Variants in NSG2 observed in about 807,000 individuals in gnomAD.
NSG2 encodes neuronal vesicle trafficking associated 2.
A neutral mutation model predicts 16.9 loss-of-function variants in NSG2; 4 were observed. The observed-to-expected ratio is 0.24, with a 90% CI of 0.12 to 0.54. The LOEUF (loss-of-function observed/expected upper bound fraction) is 0.54, where lower values mean the gene tolerates loss of function less well. Ranked by LOEUF, NSG2 falls within the 20% of genes least tolerant of loss-of-function variation. The pLI, the probability that NSG2 is intolerant of heterozygous loss-of-function variation, is 0.95. For missense variants in NSG2, 179 were observed against 221.1 expected, an observed-to-expected ratio of 0.81 and a Z score of 1.21; for synonymous variants, 98 against 88.7, an observed-to-expected ratio of 1.11 and a Z score of -0.59.
rs770070873 is a variant in NSG2 at position 174,046,755 on chromosome 5, G to A, written c.-1G>A. ...TTAGGTCTGGGAAGAAAGGCGTAAGGATGGTGAAGCTGAACAGTAACCCCA... is the reference window on the plus strand; with the variant it reads ...TTAGGTCTGGGAAGAAAGGCGTAAGAATGGTGAAGCTGAACAGTAACCCCA... On this transcript the variant is annotated 5_prime_UTR_variant, in exon 2 of 5. Coordinates refer to ENST00000303177, the MANE Select transcript of NSG2 (RefSeq NM_015980.5). 1.2e-6 allele frequency: 2 copies of A among 1,614,100 alleles called. No homozygotes were observed. Among genetic ancestry groups the A allele is most frequent in the Admixed American group, 1.7e-5 (1 of 60,030 alleles).
chr5:174,107,525 T>C lies in NSG2; in HGVS notation c.*20T>C, dbSNP rs759168095. 4 of 1,437,108 alleles carry C rather than the reference T, an allele frequency of 2.8e-6. No individual in the cohort carries two copies. The Admixed American group carries it at 7.6e-5, about 27-fold the overall frequency. 89.0% of individuals were successfully genotyped at this position (1,437,108 alleles called of 1,614,324 possible). A position where few individuals can be genotyped will look rare whatever the true frequency, so the allele number is the denominator to read the frequency against. ...CACTAGAGGCCTGCCCCAGCCAGAA[T>C]GGGGGGCGGGGTGGAGAGGAGGACC... On this transcript the variant is annotated 3_prime_UTR_variant, in exon 5 of 5. Transcript: ENST00000303177. The surrounding 1 kb of genome is among the most constrained non-coding windows in gnomAD (Gnocchi z 4.5).
chr5:174,060,259 C>T (rs891391789), intron 2 of NSG2, among the ~76,000 whole-genome samples: 2 of 152,014 alleles, frequency 1.3e-5, no homozygotes, highest in African/African-American at 4.8e-5. Context: ...AATATGGGGT[C>T]TTTTAAGTTT....
chr5:174,091,759 G>A (rs898416764), intron 3 of NSG2, among the ~76,000 whole-genome samples: 1 of 151,928 alleles, frequency 6.6e-6, no homozygotes, highest in African/African-American at 2.4e-5. Flanking sequence ...CAGTGCCAAG[G>A]AAATAATACG....
chr5:174,102,298 T>G (rs1338515499), intron 3 of NSG2, among the ~76,000 whole-genome samples: 3 of 152,152 alleles, frequency 2.0e-5, no homozygotes, highest in Non-Finnish European at 4.4e-5. Context: ...CAATGTAAAC[T>G]CCTGTCTCCT....
intron 3 of NSG2, among the ~76,000 whole-genome samples, chr5:174,103,767 T>G (rs893522291): frequency 6.6e-6 from 1 of 152,034 alleles, no homozygotes; most frequent in African/African-American, 2.4e-5. Flanking sequence ...GCCAACATGG[T>G]GAAACCCTGT....
chr5:174,102,513 A>G (rs996843573), intron 3 of NSG2, among the ~76,000 whole-genome samples: 10 of 152,200 alleles, frequency 6.6e-5, no homozygotes, highest in African/African-American at 2.4e-4. Flanking sequence ...ATGCCCCGGT[A>G]TCATGGGGAC....
chr5:174,090,113 G>A (rs979122438), intron 3 of NSG2, among the ~76,000 whole-genome samples: 3 of 152,116 alleles, frequency 2.0e-5, no homozygotes, highest in Admixed American at 6.5e-5. Flanking sequence ...CTGTGTTGAC[G>A]GTCCCCAAGA....
At chr5:174,079,296 C>T (rs900547156) in intron 3 of NSG2, among the ~76,000 whole-genome samples, 7 of 150,882 alleles carry the variant, frequency 4.6e-5, no homozygotes, top group Non-Finnish European at 7.4e-5. Context: ...CTTGCTCTGT[C>T]GCCCAGGCTG....
At position 174,058,838 on chromosome 5, in the gene NSG2, C is replaced by T. The variant is rs1760005339; in HGVS notation, c.130-5394C>T. Among the ~76,000 whole-genome samples the T allele has an allele frequency of 2.0e-5, 3 of 152,342 alleles. No individual in the cohort carries two copies. In the South Asian group the frequency reaches 6.2e-4, roughly 32 times the overall value. On this transcript the variant is annotated intron_variant, in intron 2 of 4. Transcript: ENST00000303177. ...GTGAAGACAAAATATTGTGTAGCAGCCTGAGTTGCTTTTGGAGAAAATGTG... is the reference window on the plus strand; with the variant it reads ...GTGAAGACAAAATATTGTGTAGCAGTCTGAGTTGCTTTTGGAGAAAATGTG...
chr5:174,086,827 T>G (rs1384163729), intron 3 of NSG2, among the ~76,000 whole-genome samples: 5 of 152,234 alleles, frequency 3.3e-5, no homozygotes, highest in Admixed American at 6.5e-5. Context: ...GAGATTTATC[T>G]CCTACATCGG....
intron 2 of NSG2, among the ~76,000 whole-genome samples, chr5:174,047,908 A>T (rs555891493): frequency 6.6e-6 from 1 of 152,212 alleles, no homozygotes; most frequent in African/African-American, 2.4e-5. Flanking sequence ...GGATCATTCC[A>T]TCTGTTTGAT....
In NSG2 at chr5:174,076,258, T is replaced by G. The variant is rs373478307; in HGVS notation, c.213+11943T>G. Among the ~76,000 whole-genome samples the G allele has an allele frequency of 5.9e-5, 9 of 152,310 alleles. No homozygotes were observed. The East Asian group carries it at 1.3e-3, about 23-fold the overall frequency. On this transcript the variant is annotated intron_variant, in intron 3 of 4. Transcript: ENST00000303177. The stretch of plus-strand genomic sequence containing the variant: ...CTAAAATAGACGGGACACATTCCCC[T>G]TAACTTCTTTCACTGGGAGCAAATG...
intron 3 of NSG2, among the ~76,000 whole-genome samples, chr5:174,070,662 G>A (rs1355664645): frequency 1.3e-5 from 2 of 152,078 alleles, no homozygotes; most frequent in Non-Finnish European, 2.9e-5. Context: ...AACATTCTGT[G>A]CAGCTTCTCA....
intron 3 of NSG2, among the ~76,000 whole-genome samples, chr5:174,079,245 CT>C (rs1461960889): frequency 1.4e-5 from 2 of 142,744 alleles, no homozygotes; most frequent in Non-Finnish European, 3.0e-5. Context: ...CTTTCTCTCT[CT>C]TTCTCTCTCT....
intron 3 of NSG2, among the ~76,000 whole-genome samples, chr5:174,074,554 G>T (rs976953547): frequency 6.6e-5 from 10 of 152,092 alleles, no homozygotes; most frequent in African/African-American, 2.4e-4. Flanking sequence ...AGAAAAACCA[G>T]ATTACGTCAT....
At chr5:174,106,753 C>T (rs567768814) in intron 4 of NSG2, among the ~76,000 whole-genome samples, 64 of 151,950 alleles carry the variant, frequency 4.2e-4, no homozygotes, top group Non-Finnish European at 8.1e-4. Context: ...CACCACCATG[C>T]CCAGCTATTT....
At chr5:174,054,551 T>C (rs904936088) in intron 2 of NSG2, among the ~76,000 whole-genome samples, 8 of 152,144 alleles carry the variant, frequency 5.3e-5, no homozygotes, top group Admixed American at 2.6e-4. Context: ...CCCAGGCTGA[T>C]TTTTAAAGAC....
chr5:174,064,463 G>T, intron 3 of NSG2, 148 bp downstream of exon 3: 1 of 499,200 alleles, frequency 2.0e-6, no homozygotes. Flanking sequence ...ATACAGTCTG[G>T]CCACTGAGTT....
At chr5:174,100,787 C>T (rs1447638194) in intron 3 of NSG2, among the ~76,000 whole-genome samples, 1 of 152,254 alleles carries the variant, frequency 6.6e-6, no homozygotes, top group Non-Finnish European at 1.5e-5. Context: ...ACCTGTCCCA[C>T]AGGCAGGCTT....
Sources: gnomAD v4.1 joint callset for allele counts (sites outside exome capture counted in the v4.1 genomes callset) on GRCh38, gnomAD v4.1.1 for gene constraint, Gnocchi (gnomAD v3.1) non-coding constraint, MANE v1.5 for transcripts, NCBI Gene and HGNC (gene_info 2026-07-23, HGNC 2026-07-21) for gene names.